The following RANBP17 variants were observed in gnomAD, a reference collection of about 807,000 sequenced individuals.
RANBP17 encodes RAN binding protein 17, also known as ran-binding protein 17.
Under a neutral mutation model 141.2 loss-of-function variants are expected in RANBP17, and 158 were observed. The ratio of observed to expected loss-of-function variants is 1.12; its 90% CI spans 0.98 to 1.28. RANBP17 has a LOEUF of 1.28. Ranked by LOEUF, RANBP17 falls within the 50% of genes most tolerant of loss-of-function variation. The pLI is 0.00. For missense variants in RANBP17, 1,438 were observed against 1,290.7 expected (o/e 1.11, Z -1.75); for synonymous variants, 430 against 450.0 (o/e 0.96, Z 0.56).
intron 24 of RANBP17, among the ~76,000 whole-genome samples, chr5:171,256,630 G>A (rs1765912546): frequency 6.6e-6 from 1 of 152,092 alleles, no homozygotes; most frequent in Non-Finnish European, 1.5e-5. Context: ...AAAACAAAAA[G>A]TTGGTTCTTC....
At chr5:171,018,955 T>G (rs1409472285) in intron 14 of RANBP17, among the ~76,000 whole-genome samples, 9 of 152,212 alleles carry the variant, frequency 5.9e-5, no homozygotes, top group Non-Finnish European at 1.3e-4. Flanking sequence ...TATTGAGAGT[T>G]TTTAACATGA....
At chr5:171,036,941 T>C (rs1420124435) in intron 14 of RANBP17, among the ~76,000 whole-genome samples, 1 of 152,140 alleles carries the variant, frequency 6.6e-6, no homozygotes, top group East Asian at 1.9e-4. Context: ...TCATTTTCTT[T>C]TGGATATATG....
rs575682742 is a variant in RANBP17 at position 171,127,360 on chromosome 5, TAACA to T, written c.1711-42766_1711-42763del. 2.2e-3 allele frequency among the ~76,000 whole-genome samples: 329 copies of T among 152,244 alleles called. 2 individuals carry two copies. The highest frequency in any genetic ancestry group is 7.3e-3 in the African/African-American group (302 of 41,572). On this transcript the variant is annotated intron_variant, in intron 14 of 27. Transcript: ENST00000523189. ...AAGCTATGTATGACAAACCCACAGC[TAACA>T]AACTGAACTGGGAAAAGTTGAATGT...
At chr5:170,982,757 G>T (rs1230132044) in intron 14 of RANBP17, among the ~76,000 whole-genome samples, 1 of 152,134 alleles carries the variant, frequency 6.6e-6, no homozygotes, top group Non-Finnish European at 1.5e-5. Flanking sequence ...CAAAGTGAGT[G>T]AAAGAAGATC....
intron 22 of RANBP17, among the ~76,000 whole-genome samples, chr5:171,225,873 T>C (rs945270226): frequency 4.6e-5 from 7 of 152,208 alleles, no homozygotes; most frequent in African/African-American, 1.7e-4. Context: ...TGATATACTT[T>C]GATGTAAGTT....
intron 12 of RANBP17, among the ~76,000 whole-genome samples, chr5:170,931,002 G>T (rs1013910214): frequency 6.6e-6 from 1 of 152,150 alleles, no homozygotes; most frequent in Non-Finnish European, 1.5e-5. Flanking sequence ...TTCCACAATG[G>T]TTGAACTAGT....
At chr5:171,077,020 A>C (rs1581572900) in intron 14 of RANBP17, among the ~76,000 whole-genome samples, 2 of 152,176 alleles carry the variant, frequency 1.3e-5, no homozygotes, top group South Asian at 4.1e-4. Flanking sequence ...TGTAGAGACA[A>C]CCAGCCATTA....
chr5:171,248,675 G>T (rs1157582617), intron 24 of RANBP17, among the ~76,000 whole-genome samples: 1 of 152,192 alleles, frequency 6.6e-6, no homozygotes, highest in African/African-American at 2.4e-5. Flanking sequence ...CTGAAAAGGT[G>T]CAGCAGGGTA....
At position 170,891,517 on chromosome 5, in the gene RANBP17, A is replaced by G. The variant is rs1245317599; in HGVS notation, c.257-870A>G. On this transcript the variant is annotated intron_variant, in intron 3 of 27. Coordinates refer to ENST00000523189, the MANE Select transcript of RANBP17 (RefSeq NM_022897.5). Reference sequence around the variant, plus strand: ...TCACACTGCTATAAAGAAATATCTGAGACTGGGTGATTTATAAAGAAAAGA... The same window carrying G: ...TCACACTGCTATAAAGAAATATCTGGGACTGGGTGATTTATAAAGAAAAGA... Among the ~76,000 whole-genome samples the G allele has an allele frequency of 2.0e-5, 3 of 152,188 alleles. No homozygotes were observed. The East Asian group carries it at 5.8e-4, about 29-fold the overall frequency.
At chr5:171,266,977 A>T (rs1014013618) in intron 25 of RANBP17, among the ~76,000 whole-genome samples, 2 of 151,960 alleles carry the variant, frequency 1.3e-5, no homozygotes, top group African/African-American at 4.8e-5. Flanking sequence ...AATATTTCAA[A>T]AAGAACAATA....
At chr5:170,963,326 A>G (rs1776280997) in intron 13 of RANBP17, among the ~76,000 whole-genome samples, 1 of 152,216 alleles carries the variant, frequency 6.6e-6, no homozygotes, top group African/African-American at 2.4e-5. Flanking sequence ...ATCAAGATGA[A>G]TCTCAGTGTA....
At chr5:170,911,220 T>G in intron 7 of RANBP17, 86 bp downstream of exon 7, 1 of 1,230,768 alleles carries the variant, frequency 8.1e-7, no homozygotes. Flanking sequence ...GTTATCTTTT[T>G]GCCAGGAATT....
intron 14 of RANBP17, among the ~76,000 whole-genome samples, chr5:171,075,684 G>A (rs879337612): frequency 2.0e-5 from 3 of 152,204 alleles, no homozygotes; most frequent in Admixed American, 2.0e-4. Context: ...CAGGCGTGGT[G>A]GCTCAAGCCT....
At chr5:171,053,095 C>T (rs1473342472) in intron 14 of RANBP17, among the ~76,000 whole-genome samples, 1 of 152,196 alleles carries the variant, frequency 6.6e-6, no homozygotes, top group African/African-American at 2.4e-5. Flanking sequence ...CCTGGGATTA[C>T]AGGCGTGAGC....
chr5:170,951,338 C>A, intron 12 of RANBP17, among the ~76,000 whole-genome samples: 1 of 151,948 alleles, frequency 6.6e-6, no homozygotes, highest in East Asian at 1.9e-4. Flanking sequence ...ATGTACCCCA[C>A]AAGTATGAAC....
intron 1 of RANBP17, among the ~76,000 whole-genome samples, chr5:170,869,061 A>G (rs1294269300): frequency 1.3e-5 from 2 of 152,158 alleles, no homozygotes; most frequent in South Asian, 2.1e-4. Flanking sequence ...AGAAAATTCA[A>G]ACCTTTCCCT....
In RANBP17 at chr5:171,134,439, T is replaced by G. The variant is rs1358853699; in HGVS notation, c.1711-35691T>G. Among the ~76,000 whole-genome samples, 5 of 152,224 alleles carry G rather than the reference T, an allele frequency of 3.3e-5. No homozygotes were observed. The East Asian group carries it at 9.6e-4, about 29-fold the overall frequency. Reference sequence around the variant, plus strand: ...TCAGATTATATATGAAGTGATGATTTGTTAATGGTTGGCATAGTCAAAGAA... The same window carrying G: ...TCAGATTATATATGAAGTGATGATTGGTTAATGGTTGGCATAGTCAAAGAA... On this transcript the variant is annotated intron_variant, in intron 14 of 27. Transcript: ENST00000523189.
chr5:170,996,245 GT>G (rs1323864470), intron 14 of RANBP17, among the ~76,000 whole-genome samples: 1 of 152,204 alleles, frequency 6.6e-6, no homozygotes, highest in Non-Finnish European at 1.5e-5. Context: ...AGTTAAAGCT[GT>G]TTTTTTCCCT....
intron 14 of RANBP17, among the ~76,000 whole-genome samples, chr5:171,138,296 A>C (rs1224082613): frequency 3.3e-5 from 5 of 152,178 alleles, no homozygotes; most frequent in Non-Finnish European, 5.9e-5. Context: ...ATAGCCAGAA[A>C]TGTAAGCAGA....
Sources: gnomAD v4.1 joint callset for allele counts (sites outside exome capture counted in the v4.1 genomes callset) on GRCh38, gnomAD v4.1.1 for gene constraint, MANE v1.5 for transcripts, NCBI Gene and HGNC (gene_info 2026-07-23, HGNC 2026-07-21) for gene names.